Variants in PRKCH observed in about 807,000 individuals in gnomAD.
The protein encoded by PRKCH is protein kinase C eta.
PRKCH carries 28 observed loss-of-function variants against 82.5 expected under a neutral mutation model. That is an observed-to-expected ratio of 0.34 (90% CI 0.25 to 0.47). The LOEUF (loss-of-function observed/expected upper bound fraction) is 0.47, where lower values mean the gene tolerates loss of function less well. Among genes scored for constraint, PRKCH ranks in the 20% least tolerant of loss-of-function variants. The probability of loss-of-function intolerance (pLI) is 1.00; values close to 1 mark genes in which losing one functional copy is unlikely to be tolerated. For synonymous variants in PRKCH, 322 were observed against 327.4 expected (o/e 0.98, Z 0.18); for missense variants, 705 against 881.8 (o/e 0.80, Z 2.54).
chr14:61,291,353 C>G (rs1445130575), intron 1 of PRKCH, among the ~76,000 whole-genome samples: 2 of 110,488 alleles, frequency 1.8e-5, no homozygotes, highest in South Asian at 3.1e-4. Flanking sequence ...TTTTTTGAGA[C>G]GGAGTCTCGC....
intron 2 of PRKCH, among the ~76,000 whole-genome samples, chr14:61,399,324 G>A (rs1881469175): frequency 1.3e-5 from 2 of 152,198 alleles, no homozygotes; most frequent in South Asian, 4.1e-4. Flanking sequence ...CCAGAATCTG[G>A]GTTATGACAT....
intron 9 of PRKCH, among the ~76,000 whole-genome samples, chr14:61,482,360 C>A (rs922988084): frequency 1.3e-5 from 2 of 152,176 alleles, no homozygotes; most frequent in Admixed American, 1.3e-4. Flanking sequence ...CAAAAGTAAT[C>A]TTGGAGAAAT....
chr14:61,192,751 A>C (rs1323168542), intron 1 of PRKCH, among the ~76,000 whole-genome samples: 1 of 152,232 alleles, frequency 6.6e-6, no homozygotes, highest in Non-Finnish European at 1.5e-5. Flanking sequence ...AGGCCAACCA[A>C]ATGTTGATAA....
intron 1 of PRKCH, among the ~76,000 whole-genome samples, chr14:61,339,457 G>A (rs999739920): frequency 6.7e-6 from 1 of 150,062 alleles, no homozygotes; most frequent in Non-Finnish European, 1.5e-5. Flanking sequence ...CCGAGTAGCT[G>A]GGACTACAGG....
chr14:61,207,502 G>A (rs552721091), intron 1 of PRKCH, among the ~76,000 whole-genome samples: 74 of 152,210 alleles, frequency 4.9e-4, no homozygotes, highest in Non-Finnish European at 7.5e-4. Flanking sequence ...CCTAGGCCCA[G>A]GTTCTTAGCT....
intron 1 of PRKCH, among the ~76,000 whole-genome samples, chr14:61,216,527 G>T (rs147483552): frequency 3.9e-4 from 60 of 152,066 alleles, no homozygotes; most frequent in African/African-American, 1.4e-3. Flanking sequence ...AGGTTGCAAA[G>T]AAATAAGAAG....
At position 61,503,402 on chromosome 14, in the gene PRKCH, G is replaced by A. The variant is rs79113511; in HGVS notation, c.1433+17746G>A. On this transcript the variant is annotated intron_variant, in intron 10 of 13. Coordinates refer to ENST00000332981, the MANE Select transcript of PRKCH (RefSeq NM_006255.5). ...TTAACTGAGGTCTGCCACATATGCCGGGAAGGTGCCCACAGACTGGCAGAA... is the reference window on the plus strand; with the variant it reads ...TTAACTGAGGTCTGCCACATATGCCAGGAAGGTGCCCACAGACTGGCAGAA... Among the ~76,000 whole-genome samples, 51 of 152,058 alleles carry A rather than the reference G, an allele frequency of 3.4e-4. 1 individual carries two copies. The East Asian group carries it at 9.1e-3, about 27-fold the overall frequency.
chr14:61,451,271 G>C (rs1347237137), intron 6 of PRKCH, among the ~76,000 whole-genome samples: 2 of 152,144 alleles, frequency 1.3e-5, no homozygotes, highest in Admixed American at 6.5e-5. Context: ...AAGAGAAAAA[G>C]ATGGGATCTT....
chr14:61,283,232 C>A (rs932389131), intron 1 of PRKCH, among the ~76,000 whole-genome samples: 1 of 152,120 alleles, frequency 6.6e-6, no homozygotes, highest in African/African-American at 2.4e-5. Flanking sequence ...AAGGGCAAGC[C>A]CCATTCTTGA....
chr14:61,276,346 G>T (rs1019008830), intron 1 of PRKCH, among the ~76,000 whole-genome samples: 8 of 149,532 alleles, frequency 5.4e-5, no homozygotes, highest in African/African-American at 1.7e-4. Flanking sequence ...ACAGAAGAGG[G>T]ACTTTTTTTT....
chr14:61,260,254 G>T (rs747022574), intron 1 of PRKCH, among the ~76,000 whole-genome samples: 1 of 152,196 alleles, frequency 6.6e-6, no homozygotes, highest in African/African-American at 2.4e-5. Flanking sequence ...AATATGTAGT[G>T]TAATTGCATT....
At chr14:61,499,829 A>G (rs1296850527) in intron 10 of PRKCH, among the ~76,000 whole-genome samples, 1 of 151,634 alleles carries the variant, frequency 6.6e-6, no homozygotes, top group Non-Finnish European at 1.5e-5. Flanking sequence ...TGTTGACTCA[A>G]ACATTGTTTC....
At chr14:61,483,443 G>C (rs1450323725) in intron 9 of PRKCH, among the ~76,000 whole-genome samples, 1 of 152,244 alleles carries the variant, frequency 6.6e-6, no homozygotes, top group Non-Finnish European at 1.5e-5. Context: ...CCGAAGAGTT[G>C]TTTTGGTGGT....
At chr14:61,459,334 G>A (rs1594729917) in intron 9 of PRKCH, among the ~76,000 whole-genome samples, 4 of 152,224 alleles carry the variant, frequency 2.6e-5, no homozygotes, top group Admixed American at 6.5e-5. Flanking sequence ...GGGACCAAAC[G>A]AGTGAATTAG....
At position 61,452,945 on chromosome 14, in the gene PRKCH, A is replaced by G. The variant is rs1884580820; in HGVS notation, c.833-281A>G. The G allele has an allele frequency of 9.2e-6, 4 of 433,030 alleles. No individual in the cohort carries two copies. In the South Asian group the frequency reaches 1.1e-4, roughly 12 times the overall value. 26.8% of individuals were successfully genotyped at this position (433,030 alleles called of 1,614,324 possible). ...ATACTAAGGCAGCAATGCCTGTTAC[A>G]TGTGATTTAGATGAATGGGTTTCAT... On this transcript the variant is annotated intron_variant, in intron 6 of 13. Transcript: ENST00000332981.
At chr14:61,481,990 CTTTTTTTTTT>C (rs35134897) in intron 9 of PRKCH, among the ~76,000 whole-genome samples, 6 of 101,078 alleles carry the variant, frequency 5.9e-5, no homozygotes, top group Non-Finnish European at 9.2e-5. Flanking sequence ...TTTCCTTTTC[CTTTTTTTTTT>C]TTTTTTTTTT....
At chr14:61,449,073 G>C in intron 4 of PRKCH, 91 bp from the exon 5 acceptor site, 1 of 1,224,176 alleles carries the variant, frequency 8.2e-7, no homozygotes, top group Admixed American at 1.8e-5. Flanking sequence ...GTCCAGTCTT[G>C]TTGGCACGGT....
chr14:61,352,707 A>AAAGAAAGAAAGAAAGAAAGAAAGG (rs2046097844), intron 1 of PRKCH, among the ~76,000 whole-genome samples: 1 of 151,128 alleles, frequency 6.6e-6, no homozygotes, highest in African/African-American at 2.4e-5. Context: ...AGAAAGAAAG[A>AAAGAAAGAAAGAAAGAAAGAAAGG]AAGAAAGAAA....
At chr14:61,282,318 G>C (rs1374687853) in intron 1 of PRKCH, among the ~76,000 whole-genome samples, 2 of 151,304 alleles carry the variant, frequency 1.3e-5, no homozygotes, top group African/African-American at 4.9e-5. Context: ...ATATACAAGG[G>C]GGTATTGGGA....
Sources: allele counts gnomAD v4.1 joint callset (sites outside exome capture counted in the v4.1 genomes callset), GRCh38; gene constraint gnomAD v4.1.1; transcripts MANE v1.5; gene names NCBI Gene and HGNC (gene_info 2026-07-23, HGNC 2026-07-21).